Variants in GRIN2B observed in about 807,000 individuals in gnomAD.
GRIN2B encodes glutamate receptor ionotropic, NMDA 2B.
A neutral mutation model predicts 114.5 loss-of-function variants in GRIN2B; 5 were observed. That is an observed-to-expected ratio of 0.04 (90% CI 0.02 to 0.09). The LOEUF is 0.09. Ranked by LOEUF, GRIN2B falls within the 10% of genes least tolerant of loss-of-function variation. The probability of loss-of-function intolerance (pLI) is 1.00; values close to 1 mark genes in which losing one functional copy is unlikely to be tolerated. For synonymous variants in GRIN2B, 787 were observed against 745.1 expected, an observed-to-expected ratio of 1.06 and a Z score of -0.92; for missense variants, 1,108 against 1,943.5, an observed-to-expected ratio of 0.57 and a Z score of 8.08.
intron 4 of GRIN2B, among the ~76,000 whole-genome samples, chr12:13,694,961 G>A (rs1172547979): frequency 6.6e-6 from 1 of 151,722 alleles, no homozygotes; most frequent in African/African-American, 2.4e-5. Context: ...TAAGACTTGA[G>A]GCTATGTGTG....
intron 2 of GRIN2B, among the ~76,000 whole-genome samples, chr12:13,873,039 T>C (rs1865936157): frequency 6.6e-6 from 1 of 152,216 alleles, no homozygotes; most frequent in Admixed American, 6.5e-5. Flanking sequence ...AAAGAACTAT[T>C]AAACACAATG....
At chr12:13,951,585 T>A (rs112419952) in intron 2 of GRIN2B, among the ~76,000 whole-genome samples, 1 of 152,190 alleles carries the variant, frequency 6.6e-6, no homozygotes, top group Non-Finnish European at 1.5e-5. Flanking sequence ...AGCTGTATAA[T>A]TGCACCCATT....
chr12:13,617,733 A>G (rs1949462210), intron 5 of GRIN2B, among the ~76,000 whole-genome samples: 1 of 152,242 alleles, frequency 6.6e-6, no homozygotes, highest in African/African-American at 2.4e-5. Context: ...AGAACAGGTG[A>G]GGCACCAGGA....
intron 2 of GRIN2B, among the ~76,000 whole-genome samples, chr12:13,930,850 A>T (rs1867015856): frequency 6.6e-6 from 1 of 152,296 alleles, no homozygotes; most frequent in East Asian, 1.9e-4. Context: ...AAAAAAACCC[A>T]TCTATATAAT....
At chr12:13,834,835 G>A (rs2136707293) in intron 3 of GRIN2B, among the ~76,000 whole-genome samples, 1 of 152,278 alleles carries the variant, frequency 6.6e-6, no homozygotes, top group South Asian at 2.1e-4. Context: ...CAACTGGAGA[G>A]CATTTAAAAA....
chr12:13,763,248 G>A (rs1326830933), intron 3 of GRIN2B, among the ~76,000 whole-genome samples: 2 of 152,114 alleles, frequency 1.3e-5, no homozygotes, highest in African/African-American at 2.4e-5. Flanking sequence ...GCCAAGTACT[G>A]TCCTCACCGA....
intron 3 of GRIN2B, among the ~76,000 whole-genome samples, chr12:13,802,243 A>G (rs1864529160): frequency 6.6e-6 from 1 of 152,182 alleles, no homozygotes; most frequent in Non-Finnish European, 1.5e-5. Flanking sequence ...TCAAGTGGCT[A>G]ATAAGTATAT....
At chr12:13,718,455 C>A in intron 4 of GRIN2B, among the ~76,000 whole-genome samples, 1 of 151,940 alleles carries the variant, frequency 6.6e-6, no homozygotes, top group Non-Finnish European at 1.5e-5. Flanking sequence ...CCGGACTGGA[C>A]CGAGGCAGTT....
At chr12:13,874,042 C>T (rs1045853788) in intron 2 of GRIN2B, among the ~76,000 whole-genome samples, 1 of 152,198 alleles carries the variant, frequency 6.6e-6, no homozygotes, top group Admixed American at 6.5e-5. Context: ...TTACATAATG[C>T]AGGTAAGGAC....
At position 13,835,319 on chromosome 12, in the gene GRIN2B, T is replaced by C. The variant is rs144033437; in HGVS notation, c.411+30479A>G. On this transcript the variant is annotated intron_variant, in intron 3 of 13. Transcript: ENST00000609686. The stretch of plus-strand genomic sequence containing the variant: ...CTAAAATGAGTGGTACAGAAAAAGC[T>C]GAGGCGCATGCACCCTCATTTATCC... Among the ~76,000 whole-genome samples, 819 of 152,276 alleles carry C rather than the reference T, an allele frequency of 5.4e-3. 19 individuals carry two copies. The highest frequency in any genetic ancestry group is 6.8e-3 in the Middle Eastern group (2 of 294).
chr12:13,590,864 T>A (rs536638166), intron 10 of GRIN2B, among the ~76,000 whole-genome samples: 1 of 152,302 alleles, frequency 6.6e-6, no homozygotes, highest in African/African-American at 2.4e-5. Context: ...GGAATCATAG[T>A]TGAAGCTCAC....
chr12:13,862,418 C>T (rs1865765863), intron 3 of GRIN2B, among the ~76,000 whole-genome samples: 1 of 152,120 alleles, frequency 6.6e-6, no homozygotes, highest in African/African-American at 2.4e-5. Context: ...TAAGTTAAAA[C>T]AGACTGACAA....
Position 13,724,153 on chromosome 12 carries a change from C to T in GRIN2B, c.1010+29164G>A, listed in dbSNP as rs149884804. On this transcript the variant is annotated intron_variant, in intron 4 of 13. Transcript: ENST00000609686. ...ACATCTGAAGCAGGTGCCTCTCATT[C>T]TGACTCCTGTCCTCAATATGTGACC... Among the ~76,000 whole-genome samples, 104 of 152,268 alleles carry T rather than the reference C, an allele frequency of 6.8e-4. No homozygotes were observed. The East Asian group carries it at 0.014, about 21-fold the overall frequency.
intron 5 of GRIN2B, among the ~76,000 whole-genome samples, chr12:13,619,827 G>C (rs944658772): frequency 6.6e-6 from 1 of 152,208 alleles, no homozygotes; most frequent in African/African-American, 2.4e-5. Flanking sequence ...CCCACGGTAA[G>C]TGACTTGAAG....
intron 3 of GRIN2B, among the ~76,000 whole-genome samples, chr12:13,755,216 T>C (rs1023348807): frequency 6.6e-6 from 1 of 152,220 alleles, no homozygotes; most frequent in Non-Finnish European, 1.5e-5. Context: ...AGTGGTTTCT[T>C]AGTTCAGGAA....
intron 8 of GRIN2B, among the ~76,000 whole-genome samples, chr12:13,614,199 A>G (rs972541128): frequency 3.3e-5 from 5 of 152,200 alleles, no homozygotes; most frequent in African/African-American, 1.2e-4. Flanking sequence ...TATGGAGCCT[A>G]TAACTCCACT....
At chr12:13,827,502 C>T (rs1417231236) in intron 3 of GRIN2B, among the ~76,000 whole-genome samples, 1 of 151,930 alleles carries the variant, frequency 6.6e-6, no homozygotes, top group Non-Finnish European at 1.5e-5. Context: ...TTTTGCTATA[C>T]TCTAGATCCT....
rs1948507443 is a variant in GRIN2B, at chr12:13,559,040, GA to G, written c.*3742del. On this transcript the variant is annotated 3_prime_UTR_variant, in exon 14 of 14. Coordinates refer to ENST00000609686, the MANE Select transcript of GRIN2B (RefSeq NM_000834.5). ...TTAGGTGCTCCTGAGGGTATCTGCGGAATCTCACAGTTTTGGATGGATTGGG... is the reference window on the plus strand; with the variant it reads ...TTAGGTGCTCCTGAGGGTATCTGCGGATCTCACAGTTTTGGATGGATTGGG... The G allele has an allele frequency of 6.6e-6, 1 of 152,096 alleles. No individual in the cohort carries two copies. Among genetic ancestry groups the G allele is most frequent in the African/African-American group, 2.4e-5 (1 of 41,338 alleles). The allele number at this position is 152,096 out of a possible 1,614,324, so 9.4% of individuals were successfully genotyped here. A position where few individuals can be genotyped will look rare whatever the true frequency, so the allele number is the denominator to read the frequency against.
chr12:13,944,204 T>C (rs1229147558), intron 2 of GRIN2B, among the ~76,000 whole-genome samples: 1 of 152,218 alleles, frequency 6.6e-6, no homozygotes, highest in Non-Finnish European at 1.5e-5. Context: ...CACCATTTCC[T>C]TCCTATAAGT....
Sources: gnomAD v4.1 joint callset for allele counts (sites outside exome capture counted in the v4.1 genomes callset) on GRCh38, gnomAD v4.1.1 for gene constraint, MANE v1.5 for transcripts, NCBI Gene and HGNC (gene_info 2026-07-23, HGNC 2026-07-21) for gene names.